FSTL4: variants seen among roughly 807,000 people sequenced by gnomAD.
FSTL4 encodes follistatin like 4, also known as follistatin-related protein 4.
FSTL4 carries 28 observed loss-of-function variants against 78.2 expected under a neutral mutation model. That is an observed-to-expected ratio of 0.36 (90% confidence interval 0.27 to 0.49). The LOEUF is 0.49. Among genes scored for constraint, FSTL4 ranks in the 20% least tolerant of loss-of-function variants. FSTL4 has a pLI of 0.98. For missense variants in FSTL4, 922 were observed against 1,084.9 expected, an observed-to-expected ratio of 0.85 and a Z score of 2.11; for synonymous variants, 422 against 440.5, an observed-to-expected ratio of 0.96 and a Z score of 0.53.
intron 4 of FSTL4, among the ~76,000 whole-genome samples, chr5:133,352,341 T>TACACATATATATACAC (rs1561683001): frequency 6.1e-5 from 6 of 97,596 alleles, no homozygotes; most frequent in African/African-American, 8.4e-5. Flanking sequence ...CATATATATA[T>TACACATATATATACAC]ACACATATAT....
At position 133,199,473 on chromosome 5, in the gene FSTL4, T is replaced by G. The variant is rs747012057; in HGVS notation, c.2151A>C (p.Thr717=). The part of the protein sequence containing the change: ...DSPWLHVQEI[T]VRGEIQTLYD... The stretch of plus-strand genomic sequence containing the variant: ...ACAGGGTCTGGATCTCGCCCCGCAC[T>G]GTGATCTCCTGCACGTGCAGCCAGG... Residue 717 remains threonine (T), a synonymous_variant, in exon 16 of 16, where the codon ACA becomes ACC. Coordinates refer to ENST00000265342, the MANE Select transcript of FSTL4 (RefSeq NM_015082.2). The surrounding 1 kb of genome is among the most constrained non-coding windows in gnomAD (Gnocchi z 4.4). The G allele has an allele frequency of 4.3e-6, 7 of 1,614,212 alleles. No homozygotes were observed. The highest frequency in any genetic ancestry group is 5.9e-6 in the Non-Finnish European group (7 of 1,180,022).
At position 133,345,556 on chromosome 5, in the gene FSTL4, G is replaced by A. The variant is rs572252844; in HGVS notation, c.410-28904C>T. ...TCTTCTAGGGTTTTTACGGTTTTAG[G>A]TTTTACATTTAAGTCTTTAGTCCAT... is the stretch of plus-strand genomic sequence containing the variant. On this transcript the variant is annotated intron_variant, in intron 4 of 15. Coordinates refer to ENST00000265342, the MANE Select transcript of FSTL4 (RefSeq NM_015082.2). Among the ~76,000 whole-genome samples, 23 of 152,226 alleles carry A rather than the reference G, an allele frequency of 1.5e-4. No homozygotes were observed. The South Asian group carries it at 4.8e-3, about 32-fold the overall frequency.
chr5:133,455,439 G>A (rs1433473601), intron 3 of FSTL4, among the ~76,000 whole-genome samples: 6 of 151,742 alleles, frequency 4.0e-5, no homozygotes, highest in East Asian at 1.9e-4. Flanking sequence ...AACTGCTACC[G>A]ATAACACAGC....
the FSTL4 span, among the ~76,000 whole-genome samples, chr5:133,808,858 G>A: frequency 7.6e-5 from 5 of 65,518 alleles, no homozygotes; most frequent in South Asian, 6.3e-4. Context: ...CCCGCCCCCC[G>A]CCACCCCCCA....
the FSTL4 span, among the ~76,000 whole-genome samples, chr5:133,678,395 T>C: frequency 2.3e-4 from 35 of 152,176 alleles, no homozygotes; most frequent in African/African-American, 8.4e-4. Context: ...TGGAATTACT[T>C]TGATGGTGAA....
At chr5:133,500,929 A>C (rs1758482291) in intron 3 of FSTL4, among the ~76,000 whole-genome samples, 1 of 149,448 alleles carries the variant, frequency 6.7e-6, no homozygotes, top group Non-Finnish European at 1.5e-5. Context: ...AACTGACAAG[A>C]CTCCTGTTTG....
intron 3 of FSTL4, among the ~76,000 whole-genome samples, chr5:133,558,649 A>C (rs1270710720): frequency 1.3e-5 from 2 of 151,044 alleles, no homozygotes; most frequent in African/African-American, 4.9e-5. Context: ...TTTTCTTTTT[A>C]ATGCAGGCCC....
the FSTL4 span, among the ~76,000 whole-genome samples, chr5:133,623,418 A>G: frequency 6.6e-6 from 1 of 152,046 alleles, no homozygotes; most frequent in African/African-American, 2.4e-5. Flanking sequence ...CCCTATGACA[A>G]TTGGCCCTGG....
At chr5:133,741,017 G>A in the FSTL4 span, among the ~76,000 whole-genome samples, 1 of 152,064 alleles carries the variant, frequency 6.6e-6, no homozygotes, top group South Asian at 2.1e-4. Flanking sequence ...GGGCAGGTGG[G>A]TATATTGCAA....
At chr5:133,407,245 G>A (rs988007276) in intron 3 of FSTL4, among the ~76,000 whole-genome samples, 2 of 152,170 alleles carry the variant, frequency 1.3e-5, no homozygotes, top group African/African-American at 2.4e-5. Context: ...TGTCATGCAT[G>A]GACACCTGGC....
chr5:133,628,605 C>G, the FSTL4 span, among the ~76,000 whole-genome samples: 2 of 152,042 alleles, frequency 1.3e-5, no homozygotes, highest in Non-Finnish European at 2.9e-5. Context: ...GGTGATCCAC[C>G]CACCTCGGCC....
chr5:133,646,610 G>A, the FSTL4 span, among the ~76,000 whole-genome samples: 71 of 152,332 alleles, frequency 4.7e-4, no homozygotes, highest in Middle Eastern at 6.8e-3. Context: ...AAGCGGTAAA[G>A]ATGAACTAAG....
intron 3 of FSTL4, among the ~76,000 whole-genome samples, chr5:133,438,360 T>G (rs921243283): frequency 3.9e-5 from 6 of 152,242 alleles, no homozygotes; most frequent in Non-Finnish European, 8.8e-5. Context: ...CTAGTAGAGT[T>G]TTTTGGTGTG....
intron 3 of FSTL4, among the ~76,000 whole-genome samples, chr5:133,481,589 C>T (rs914516733): frequency 6.7e-6 from 1 of 149,066 alleles, no homozygotes. Flanking sequence ...GGGAACTCAT[C>T]ACAGGTAGTC....
chr5:133,299,311 T>C (rs553346688), intron 6 of FSTL4, among the ~76,000 whole-genome samples: 2 of 152,256 alleles, frequency 1.3e-5, no homozygotes, highest in Admixed American at 1.3e-4. Context: ...TCTCTCTCCT[T>C]ATGTCCATTT....
At chr5:133,251,240 G>A (rs1291534129) in intron 6 of FSTL4, among the ~76,000 whole-genome samples, 2 of 152,090 alleles carry the variant, frequency 1.3e-5, no homozygotes, top group Non-Finnish European at 2.9e-5. Flanking sequence ...AGCTCCCACC[G>A]TACTCTGCGG....
intron 4 of FSTL4, among the ~76,000 whole-genome samples, chr5:133,373,055 C>T (rs1050423826): frequency 1.3e-5 from 2 of 152,120 alleles, no homozygotes; most frequent in Non-Finnish European, 2.9e-5. Context: ...TAGTGCCTTT[C>T]TCAGAAGAGA....
the FSTL4 span, among the ~76,000 whole-genome samples, chr5:133,703,938 T>A: frequency 1.3e-5 from 2 of 152,166 alleles, no homozygotes; most frequent in Non-Finnish European, 2.9e-5. Flanking sequence ...GCCCCTTGAT[T>A]TTCCATTGAG....
the FSTL4 span, among the ~76,000 whole-genome samples, chr5:133,807,266 G>C: frequency 9.2e-5 from 14 of 152,190 alleles, no homozygotes; most frequent in African/African-American, 3.4e-4. Context: ...AAGGCAAGTG[G>C]CTGCTTTCAA....
Sources: allele counts gnomAD v4.1 joint callset (sites outside exome capture counted in the v4.1 genomes callset), GRCh38; gene constraint gnomAD v4.1.1; non-coding constraint Gnocchi (gnomAD v3.1); transcripts MANE v1.5; gene names NCBI Gene and HGNC (gene_info 2026-07-23, HGNC 2026-07-21).